The following RBFOX3 variants were observed in gnomAD, a reference collection of about 807,000 sequenced individuals.
RBFOX3 encodes RNA binding protein fox-1 homolog 3.
Under a neutral mutation model 48.7 loss-of-function variants are expected in RBFOX3, and 17 were observed. That is an observed-to-expected ratio of 0.35 (90% CI 0.24 to 0.52). RBFOX3 has a LOEUF of 0.52. Among genes scored for constraint, RBFOX3 ranks in the 20% least tolerant of loss-of-function variants. The pLI, the probability that RBFOX3 is intolerant of heterozygous loss-of-function variation, is 0.94. For missense variants in RBFOX3, 382 were observed against 497.5 expected (o/e 0.77, Z 2.21); for synonymous variants, 212 against 209.5 (o/e 1.01, Z -0.10).
At chr17:79,487,594 T>C (rs296142) in intron 1 of RBFOX3, among the ~76,000 whole-genome samples, 52,068 of 151,940 alleles carry the variant, frequency 0.34, 9,936 homozygotes, top group East Asian at 0.59. Context: ...GTGAAATGAA[T>C]GCTGCAAAGA....
chr17:79,582,152 G>A (rs995478805), intron 1 of RBFOX3, among the ~76,000 whole-genome samples: 4 of 133,658 alleles, frequency 3.0e-5, no homozygotes, highest in Admixed American at 1.5e-4. Context: ...GTGCCTGCCC[G>A]TGTATGTGCC....
chr17:79,147,228 C>T (rs2043224028), intron 4 of RBFOX3, among the ~76,000 whole-genome samples: 4 of 152,320 alleles, frequency 2.6e-5, no homozygotes, highest in Admixed American at 2.6e-4. Context: ...GAGGCGCTGG[C>T]CATGTCTGGC....
chr17:79,245,146 A>C (rs537660366), intron 3 of RBFOX3, among the ~76,000 whole-genome samples: 1 of 149,892 alleles, frequency 6.7e-6, no homozygotes, highest in Non-Finnish European at 1.5e-5. Context: ...CATCTTGGCT[A>C]TCTGCAAACT....
chr17:79,430,677 T>C (rs1555727986), intron 2 of RBFOX3, among the ~76,000 whole-genome samples: 1 of 152,196 alleles, frequency 6.6e-6, no homozygotes, highest in African/African-American at 2.4e-5. Context: ...CCTGAGTAGC[T>C]GGGATTACAG....
chr17:79,518,684 C>A lies in RBFOX3; in HGVS notation c.-319-36086G>T, dbSNP rs1332304074. On this transcript the variant is annotated intron_variant, in intron 1 of 14. Coordinates refer to ENST00000693108, the MANE Select transcript of RBFOX3 (RefSeq NM_001350451.2). ...GCAAGAACAAGCCAGGCCTCAGGCTCCCCGTGCAAAACCGGGGTTGAGGCC... is the reference window on the plus strand; with the variant it reads ...GCAAGAACAAGCCAGGCCTCAGGCTACCCGTGCAAAACCGGGGTTGAGGCC... 3.9e-5 allele frequency among the ~76,000 whole-genome samples: 6 copies of A among 152,344 alleles called. No individual in the cohort carries two copies. The South Asian group carries it at 1.2e-3, about 32-fold the overall frequency.
intron 1 of RBFOX3, among the ~76,000 whole-genome samples, chr17:79,609,489 C>A (rs1022835496): frequency 5.3e-4 from 81 of 152,320 alleles, no homozygotes; most frequent in Non-Finnish European, 9.7e-4. Flanking sequence ...TCTCGCGCGT[C>A]GGGACTAGCG....
At chr17:79,599,309 C>T (rs1421915574) in intron 1 of RBFOX3, 2 of 152,452 alleles carry the variant, frequency 1.3e-5, no homozygotes, top group Non-Finnish European at 2.9e-5. Flanking sequence ...TTCTCAGGGT[C>T]CCTTGAAGGG....
At chr17:79,209,683 G>C (rs964328857) in intron 4 of RBFOX3, among the ~76,000 whole-genome samples, 2 of 152,182 alleles carry the variant, frequency 1.3e-5, no homozygotes, top group African/African-American at 4.8e-5. Context: ...GGGGTGCATG[G>C]CTCACATGTG....
At chr17:79,385,145 C>T (rs1309249247) in intron 2 of RBFOX3, among the ~76,000 whole-genome samples, 2 of 152,208 alleles carry the variant, frequency 1.3e-5, no homozygotes, top group Non-Finnish European at 2.9e-5. Context: ...TGTCCCAAAA[C>T]ACCTAACGTG....
chr17:79,566,505 G>C (rs996521266), intron 1 of RBFOX3, among the ~76,000 whole-genome samples: 2 of 152,192 alleles, frequency 1.3e-5, no homozygotes, highest in Non-Finnish European at 2.9e-5. Context: ...GCCAGGGGAC[G>C]GGGGAAGAGC....
chr17:79,622,799 G>T, the RBFOX3 span, among the ~76,000 whole-genome samples: 6 of 152,184 alleles, frequency 3.9e-5, no homozygotes, highest in Non-Finnish European at 8.8e-5. Flanking sequence ...AGTTAGGACG[G>T]CACCATATAG....
chr17:79,382,411 CAG>C (rs1568149878), intron 2 of RBFOX3, among the ~76,000 whole-genome samples: 1 of 152,226 alleles, frequency 6.6e-6, no homozygotes, highest in Admixed American at 6.5e-5. Flanking sequence ...CTTGTCATGA[CAG>C]TGGCAAAAAG....
At position 79,239,156 on chromosome 17, in the gene RBFOX3, G is replaced by A. The variant is rs367583573; in HGVS notation, c.-73-3351C>T. The stretch of plus-strand genomic sequence containing the variant: ...CCTCGCTTCGTGTTTCTGAGATGTC[G>A]GCTCCCCCTCCTCTTCTGCACTCCC... On this transcript the variant is annotated intron_variant, in intron 3 of 14. Transcript: ENST00000693108. 7.4e-4 allele frequency among the ~76,000 whole-genome samples: 112 copies of A among 152,226 alleles called. 3 individuals are homozygous for A. Among genetic ancestry groups the A allele is most frequent in the Admixed American group, 1.2e-3 (19 of 15,300 alleles).
At chr17:79,384,280 G>A (rs1365907009) in intron 2 of RBFOX3, among the ~76,000 whole-genome samples, 1 of 152,172 alleles carries the variant, frequency 6.6e-6, no homozygotes, top group Non-Finnish European at 1.5e-5. Flanking sequence ...GCACTGCCAG[G>A]CACTCTCTGT....
Position 79,477,002 on chromosome 17 carries a change from G to A in RBFOX3, c.-175+5452C>T, listed in dbSNP as rs2077882617. Among the ~76,000 whole-genome samples the A allele has an allele frequency of 6.6e-6, 1 of 152,094 alleles. No individual in the cohort carries two copies. Among genetic ancestry groups the A allele is most frequent in the Non-Finnish European group, 1.5e-5 (1 of 68,002 alleles). Reference sequence around the variant, plus strand: ...AACCCCAGCACTTTGGGAGGCCTAGGTGGGTGGATCACTTGAGGTCAGGAG... The same window carrying A: ...AACCCCAGCACTTTGGGAGGCCTAGATGGGTGGATCACTTGAGGTCAGGAG... On this transcript the variant is annotated intron_variant, in intron 2 of 14. Transcript: ENST00000693108. The surrounding 1 kb of genome is among the most constrained non-coding windows in gnomAD (Gnocchi z 4.8).
chr17:79,143,031 G>A (rs1476287857), intron 4 of RBFOX3, among the ~76,000 whole-genome samples: 1 of 152,142 alleles, frequency 6.6e-6, no homozygotes, highest in African/African-American at 2.4e-5. Context: ...CTGTGTGAAG[G>A]ATGCTGGTCC....
chr17:79,409,530 G>C (rs533716177), intron 2 of RBFOX3, among the ~76,000 whole-genome samples: 34 of 152,308 alleles, frequency 2.2e-4, no homozygotes, highest in African/African-American at 7.9e-4. Context: ...TTTTCCTTCT[G>C]TGGCCTATGA....
At chr17:79,438,924 C>A (rs1186186963) in intron 2 of RBFOX3, among the ~76,000 whole-genome samples, 1 of 152,232 alleles carries the variant, frequency 6.6e-6, no homozygotes, top group African/African-American at 2.4e-5. Flanking sequence ...ATATTTTGGT[C>A]TGTCCATACA....
chr17:79,228,379 G>A (rs79860519), intron 4 of RBFOX3, among the ~76,000 whole-genome samples: 247 of 152,254 alleles, frequency 1.6e-3, no homozygotes, highest in African/African-American at 5.4e-3. Flanking sequence ...AGCGGAACAC[G>A]CCCGGACAAG....
Sources: allele counts gnomAD v4.1 joint callset (sites outside exome capture counted in the v4.1 genomes callset), GRCh38; gene constraint gnomAD v4.1.1; non-coding constraint Gnocchi (gnomAD v3.1); transcripts MANE v1.5; gene names NCBI Gene and HGNC (gene_info 2026-07-23, HGNC 2026-07-21).